Variants in MEFV observed in about 807,000 individuals in gnomAD.
The protein encoded by MEFV is pyrin.
A neutral mutation model predicts 62.5 loss-of-function variants in MEFV; 60 were observed. The observed-to-expected ratio is 0.96, with a 90% CI of 0.78 to 1.19. The LOEUF is 1.19. Among genes scored for constraint, MEFV ranks in the 50% most tolerant of loss-of-function variants. The pLI, the probability that MEFV is intolerant of heterozygous loss-of-function variation, is 0.00. For missense variants in MEFV, 1,169 were observed against 1,004.5 expected, an observed-to-expected ratio of 1.16 and a Z score of -2.21; for synonymous variants, 500 against 415.2, an observed-to-expected ratio of 1.20 and a Z score of -2.48.
In MEFV at chr16:3,254,483, C is replaced by A. The variant is rs200766991; in HGVS notation, c.585G>T (p.Glu195Asp). Reference sequence around the variant, plus strand: ...GCAGCCGGACCTCGGCCTGGCCCCCCTCTAGCGCCCTGCAGGGGCCGGGGC... The same window carrying A: ...GCAGCCGGACCTCGGCCTGGCCCCCATCTAGCGCCCTGCAGGGGCCGGGGC... ...GRSPGPCRAL[E>D]GGQAEVRLRR... Residue 195 changes from glutamate to aspartate, a missense_variant, in exon 2 of 10, where the codon GAG becomes GAT. Glu to Asp is a conservative substitution (Grantham distance 45). Transcript: ENST00000219596. 21 of 1,588,828 alleles carry A rather than the reference C, an allele frequency of 1.3e-5. No homozygotes were observed. The Middle Eastern group carries it at 1.4e-3, about 104-fold the overall frequency.
chr16:3,254,745 C>G lies in MEFV; in HGVS notation c.323G>C (p.Ser108Thr), dbSNP rs1392896887. 2.5e-6 allele frequency: 4 copies of G among 1,612,788 alleles called. No individual in the cohort carries two copies. In the South Asian group the frequency reaches 3.3e-5, roughly 13 times the overall value. ...ENGTDDSAAS[S>T]SLGENKPRSL... Reference sequence around the variant, plus strand: ...CCTGGGCTTGTTCTCCCCCAGGGAGCTGGACGCTGCGGAATCATCTGTGCC... The same window carrying G: ...CCTGGGCTTGTTCTCCCCCAGGGAGGTGGACGCTGCGGAATCATCTGTGCC... The change falls in exon 2 of 10, where the codon AGC (serine) becomes ACC (threonine). Residue 108 changes from serine (S) to threonine (T), a missense_variant. Physicochemically the swap from Ser to Thr is moderately conservative, Grantham distance 58. Coordinates refer to ENST00000219596, the MANE Select transcript of MEFV (RefSeq NM_000243.3).
At position 3,243,069 on chromosome 16, in the gene MEFV, C is replaced by T; in HGVS notation, c.*72G>A. 6.5e-7 allele frequency: 1 copy of T among 1,541,530 alleles called. No individual in the cohort carries two copies. Among genetic ancestry groups the T allele is most frequent in the Non-Finnish European group, 9.0e-7 (1 of 1,117,058 alleles). ...CCCATAGCAGCTAGCACCTAGTCGG[C>T]ATTCCGTGACTATTGAGTGTGAATG... is the stretch of plus-strand genomic sequence containing the variant. On this transcript the variant is annotated 3_prime_UTR_variant, in exon 10 of 10. Transcript: ENST00000219596.
chr16:3,249,321 C>A, intron 3 of MEFV, 110 bp downstream of exon 3: 1 of 1,025,662 alleles, frequency 9.7e-7, no homozygotes, highest in East Asian at 2.4e-5. Flanking sequence ...ATTTCCAGCC[C>A]AAGAATGCTG....
At chr16:3,244,040 G>A (rs956662670) in intron 8 of MEFV, 148 bp from the exon 9 acceptor site, 1 of 1,552,472 alleles carries the variant, frequency 6.4e-7, no homozygotes, top group Admixed American at 2.0e-5. Flanking sequence ...TTCCTCCCAG[G>A]AACCCAGGCC....
rs778229522 is a variant in MEFV at position 3,243,562 on chromosome 16, A to G, written c.1925T>C (p.Val642Ala). ...AGAGAGGAAACTCGGAGAGCCCAGA[A>G]CAATGATACAGCTGTCAAATCTTTG... ...GPQRFDSCIIVLGSPSFLSGR... is the reference protein window; with the variant it reads ...GPQRFDSCIIALGSPSFLSGR... Residue 642 changes from valine (V) to alanine (A), a missense_variant, in exon 10 of 10, where the codon GTT (valine) becomes GCT (alanine). Physicochemically the swap from Val to Ala is moderately conservative, Grantham distance 64. Transcript: ENST00000219596. The G allele has an allele frequency of 6.2e-7, 1 of 1,611,864 alleles. No individual in the cohort carries two copies. The highest frequency in any genetic ancestry group is 1.7e-5 in the Admixed American group (1 of 59,738).
In MEFV at chr16:3,250,568, G is replaced by A. The variant is rs115633049; in HGVS notation, c.911-788C>T. On this transcript the variant is annotated intron_variant, in intron 2 of 9. Coordinates refer to ENST00000219596, the MANE Select transcript of MEFV (RefSeq NM_000243.3). The stretch of plus-strand genomic sequence containing the variant: ...ATGCTGCACCACTGCACTCCAGCCT[G>A]GGCAACAGAGTAAGATGCCATCTTA... 3.7e-3 allele frequency among the ~76,000 whole-genome samples: 567 copies of A among 151,868 alleles called. 2 individuals are homozygous for A. The highest frequency in any genetic ancestry group is 0.012 in the African/African-American group (494 of 41,392).
rs368149369 is a variant in MEFV, at chr16:3,256,609, G to C, written c.-22C>G. 6.2e-7 allele frequency: 1 copy of C among 1,614,008 alleles called. No individual in the cohort carries two copies. Among genetic ancestry groups the C allele is most frequent in the Admixed American group, 1.7e-5 (1 of 60,018 alleles). ...CCATGGTGCTGAGCAGGAGAGGCTCGAGCCAGCTGTCTGGCTTCTGGTAGG... is the reference window on the plus strand; with the variant it reads ...CCATGGTGCTGAGCAGGAGAGGCTCCAGCCAGCTGTCTGGCTTCTGGTAGG... On this transcript the variant is annotated 5_prime_UTR_variant, in exon 1 of 10. Transcript: ENST00000219596.
intron 5 of MEFV, 144 bp from the exon 6 acceptor site, chr16:3,246,691 A>G (rs1310891754): frequency 4.4e-6 from 4 of 903,744 alleles, no homozygotes; most frequent in Non-Finnish European, 5.4e-6. Flanking sequence ...GTGGAAGTGG[A>G]GCACCTTTCT....
At chr16:3,254,962 G>A (rs909753114) in intron 1 of MEFV, among the ~76,000 whole-genome samples, 172 bp from the exon 2 acceptor site, 1 of 152,164 alleles carries the variant, frequency 6.6e-6, no homozygotes, top group African/African-American at 2.4e-5. Flanking sequence ...AGGCCGAGGC[G>A]GGAGGATCAC....
Position 3,243,283 on chromosome 16 carries a change from G to A in MEFV, c.2204C>T (p.Thr735Ile), listed in dbSNP as rs1958885115. Residue 735 changes from threonine (T) to isoleucine (I), a missense_variant, in exon 10 of 10, where the codon ACA becomes ATA. Thr to Ile is a moderately conservative substitution (Grantham distance 89). Transcript: ENST00000219596. Reference sequence around the variant, plus strand: ...GAATGTATAGATGTGGGATCTGGCTGTCACATTGTAAAAGGAGATGCTTCC... The same window carrying A: ...GAATGTATAGATGTGGGATCTGGCTATCACATTGTAAAAGGAGATGCTTCC... The part of the protein sequence containing the change: ...RVGSISFYNV[T>I]ARSHIYTFAS... 6 of 1,614,184 alleles carry A rather than the reference G, an allele frequency of 3.7e-6. No homozygotes were observed. The highest frequency in any genetic ancestry group is 5.1e-6 in the Non-Finnish European group (6 of 1,180,050).
chr16:3,250,185 G>A (rs1480236957), intron 2 of MEFV, among the ~76,000 whole-genome samples: 1 of 152,218 alleles, frequency 6.6e-6, no homozygotes, highest in African/African-American at 2.4e-5. Context: ...ATGGTGACTT[G>A]TGTACCTCGC....
rs1434442102 is a variant in MEFV at position 3,254,821 on chromosome 16, A to C, written c.278-31T>G. On this transcript the variant is annotated intron_variant, in intron 1 of 9. Transcript: ENST00000219596. Reference sequence around the variant, plus strand: ...AGGACAACCAGATGCAAAATGATGAAGCTGTCCCACGTTTAGGGCCCAAGA... The same window carrying C: ...AGGACAACCAGATGCAAAATGATGACGCTGTCCCACGTTTAGGGCCCAAGA... 1.9e-6 allele frequency: 3 copies of C among 1,607,356 alleles called. No homozygotes were observed. In the East Asian group the frequency reaches 6.7e-5, roughly 36 times the overall value.
In MEFV at chr16:3,254,701, G is replaced by A. The variant is rs1959090836; in HGVS notation, c.367C>T (p.His123Tyr). The A allele has an allele frequency of 6.2e-7, 1 of 1,612,638 alleles. No homozygotes were observed. Among genetic ancestry groups the A allele is most frequent in the Non-Finnish European group, 8.5e-7 (1 of 1,180,004 alleles). Reference protein sequence around the residue: ...NKPRSLKTPDHPEGNEGNGPR... With the variant: ...NKPRSLKTPDYPEGNEGNGPR... Reference sequence around the variant, plus strand: ...CCGTTCCCCTCGTTCCCCTCGGGGTGGTCTGGAGTCTTCAGGCTCCTGGGC... The same window carrying A: ...CCGTTCCCCTCGTTCCCCTCGGGGTAGTCTGGAGTCTTCAGGCTCCTGGGC... The change falls in exon 2 of 10, where the codon CAC (histidine) becomes TAC (tyrosine). Residue 123 changes from histidine to tyrosine, a missense_variant. Coordinates refer to ENST00000219596, the MANE Select transcript of MEFV (RefSeq NM_000243.3).
At position 3,247,001 on chromosome 16, in the gene MEFV, C is replaced by G; in HGVS notation, c.1587+15G>C. The G allele has an allele frequency of 6.2e-7, 1 of 1,612,952 alleles. No individual in the cohort carries two copies. Among genetic ancestry groups the G allele is most frequent in the Non-Finnish European group, 8.5e-7 (1 of 1,178,908 alleles). ...GCACAGGGGACCCAAGAAAGCCGGGCCCAGGCACACCCACCTGCAGAAGTT... is the reference window on the plus strand; with the variant it reads ...GCACAGGGGACCCAAGAAAGCCGGGGCCAGGCACACCCACCTGCAGAAGTT... On this transcript the variant is annotated intron_variant, in intron 5 of 9. Transcript: ENST00000219596.
rs200283928 is a variant in MEFV, at chr16:3,243,373, G to A, written c.2114C>T (p.Pro705Leu). The change falls in exon 10 of 10, where the codon CCC becomes CTC. Residue 705 changes from proline to leucine, a missense_variant. Transcript: ENST00000219596. ...KENEYQASSV[P>L]PTRLLIKEPP... ...CTCCTTTATTAGCAGGCGGGTCGGG[G>A]GAACGCTGGACGCCTGGTACTCATT... 4 of 1,614,028 alleles carry A rather than the reference G, an allele frequency of 2.5e-6. No individual in the cohort carries two copies. The highest frequency in any genetic ancestry group is 3.4e-6 in the Non-Finnish European group (4 of 1,180,044).
At chr16:3,244,175 A>G (rs1958904473) in intron 8 of MEFV, 79 bp downstream of exon 8, 1 of 1,606,320 alleles carries the variant, frequency 6.2e-7, no homozygotes, top group Non-Finnish European at 8.5e-7. Flanking sequence ...TGTCTTCTAA[A>G]TAGGGCCCCT....
intron 4 of MEFV, 145 bp downstream of exon 4, chr16:3,248,764 T>A (rs2141670915): frequency 6.4e-7 from 1 of 1,561,382 alleles, no homozygotes; most frequent in East Asian, 2.3e-5. Flanking sequence ...GAGCTTACCC[T>A]TGGCTGCTGG....
chr16:3,254,445 C>G lies in MEFV; in HGVS notation c.623G>C (p.Ser208Thr), dbSNP rs759326778. Residue 208 changes from serine to threonine, a missense_variant, in exon 2 of 10, where the codon AGC becomes ACC. Transcript: ENST00000219596. ...CAGCCCCTGCAGCCTCCCCGCGGAG[C>G]TGGCGTTTCTGCGCAGCCGGACCTC... ...QAEVRLRRNA[S>T]SAGRLQGLAG... 2.1e-5 allele frequency: 33 copies of G among 1,609,266 alleles called. No homozygotes were observed. The South Asian group carries it at 3.3e-4, about 16-fold the overall frequency.
chr16:3,245,458 A>G (rs763354336), intron 6 of MEFV, among the ~76,000 whole-genome samples: 16 of 152,036 alleles, frequency 1.1e-4, no homozygotes, highest in Non-Finnish European at 2.2e-4. Flanking sequence ...CCTGGCTAAT[A>G]TGGTGAAACC....
Sources: gnomAD v4.1 joint callset for allele counts (sites outside exome capture counted in the v4.1 genomes callset) on GRCh38, gnomAD v4.1.1 for gene constraint, MANE v1.5 for transcripts, NCBI Gene and HGNC (gene_info 2026-07-23, HGNC 2026-07-21) for gene names.